PCDHGB1: variants seen among roughly 807,000 people sequenced by gnomAD.
PCDHGB1 encodes the protein protocadherin gamma subfamily B, 1.
A neutral mutation model predicts 56.6 loss-of-function variants in PCDHGB1; 34 were observed. The observed-to-expected ratio is 0.60, with a 90% CI of 0.46 to 0.80. The LOEUF (loss-of-function observed/expected upper bound fraction) is 0.80. Among genes scored for constraint, PCDHGB1 ranks in the 30% least tolerant of loss-of-function variants. PCDHGB1 has a pLI of 0.00. For synonymous variants in PCDHGB1, 561 were observed against 505.9 expected (o/e 1.11, Z -1.46); for missense variants, 1,278 against 1,204.6 (o/e 1.06, Z -0.90).
intron 1 of PCDHGB1, chr5:141,376,390 T>C (rs776058989): frequency 1.0e-4 from 166 of 1,614,188 alleles, no homozygotes; most frequent in Middle Eastern, 1.6e-4. Flanking sequence ...GTCATCTGAT[T>C]TTCCCCCAGC....
intron 1 of PCDHGB1, chr5:141,398,210 C>T (rs755562930): frequency 1.3e-6 from 2 of 1,483,862 alleles, no homozygotes; most frequent in South Asian, 1.3e-5. Flanking sequence ...TTCTGCCCGG[C>T]GCTCTGTGAG....
intron 1 of PCDHGB1, among the ~76,000 whole-genome samples, chr5:141,442,879 A>T (rs1399128822): frequency 6.6e-6 from 1 of 152,256 alleles, no homozygotes; most frequent in Non-Finnish European, 1.5e-5. Flanking sequence ...TTTACAACTC[A>T]GAATCCCTGC....
intron 1 of PCDHGB1, among the ~76,000 whole-genome samples, chr5:141,397,239 G>A (rs563338293): frequency 1.8e-4 from 27 of 152,262 alleles, no homozygotes; most frequent in Non-Finnish European, 3.4e-4. Flanking sequence ...GAAGAGCAAC[G>A]TAGTAGGGTA....
At chr5:141,381,947 A>G (rs957045552) in intron 1 of PCDHGB1, among the ~76,000 whole-genome samples, 2 of 146,392 alleles carry the variant, frequency 1.4e-5, no homozygotes, top group Non-Finnish European at 3.0e-5. Flanking sequence ...TTCCTGCCTC[A>G]GCCTCCTGAG....
chr5:141,396,765 T>A (rs1446594255), intron 1 of PCDHGB1: 1 of 152,246 alleles, frequency 6.6e-6, no homozygotes, highest in Non-Finnish European at 1.5e-5. Flanking sequence ...CAATAAATGT[T>A]TGTTATTAAT....
In PCDHGB1 at chr5:141,361,205, C is replaced by T. The variant is rs754494569; in HGVS notation, c.2409+8536C>T. On this transcript the variant is annotated intron_variant, in intron 1 of 3. Transcript: ENST00000523390. Reference sequence around the variant, plus strand: ...GTGACTTCAGTATCTACTCCCCTACCGGAGGATTCGCCACCAGGAACAGTG... The same window carrying T: ...GTGACTTCAGTATCTACTCCCCTACTGGAGGATTCGCCACCAGGAACAGTG... 3.7e-6 allele frequency: 6 copies of T among 1,613,776 alleles called. No homozygotes were observed. In the Admixed American group the frequency reaches 8.3e-5, roughly 22 times the overall value.
chr5:141,381,188 T>G (rs1271101708), intron 1 of PCDHGB1, among the ~76,000 whole-genome samples: 1 of 152,222 alleles, frequency 6.6e-6, no homozygotes, highest in Non-Finnish European at 1.5e-5. Context: ...GAAGTTAAGC[T>G]TTCTTAGTGT....
In PCDHGB1 at chr5:141,485,615, C is replaced by G; in HGVS notation, c.2410-9192C>G. ...CTTGGAAATTGGGGAGGCAGCTCCTCCAGGACAGCGTTTCCCGTTGGAAAA... is the reference window on the plus strand; with the variant it reads ...CTTGGAAATTGGGGAGGCAGCTCCTGCAGGACAGCGTTTCCCGTTGGAAAA... On this transcript the variant is annotated intron_variant, in intron 1 of 3. Coordinates refer to ENST00000523390, the MANE Select transcript of PCDHGB1 (RefSeq NM_018922.3). This position sits in a 1 kb window ranked among gnomAD's most constrained non-coding sequence, Gnocchi z 5.7. 6.2e-7 allele frequency: 1 copy of G among 1,612,250 alleles called. No individual in the cohort carries two copies. The highest frequency in any genetic ancestry group is 1.3e-5 in the African/African-American group (1 of 74,992).
At chr5:141,456,058 C>T (rs1488082918) in intron 1 of PCDHGB1, among the ~76,000 whole-genome samples, 3 of 151,880 alleles carry the variant, frequency 2.0e-5, no homozygotes, top group Admixed American at 6.6e-5. Context: ...CCACCACGTC[C>T]GGCTAATTTT....
chr5:141,455,364 G>C (rs2098820282), intron 1 of PCDHGB1, among the ~76,000 whole-genome samples: 1 of 152,252 alleles, frequency 6.6e-6, no homozygotes, highest in South Asian at 2.1e-4. Flanking sequence ...TAGGCAAGAA[G>C]GAAGGGAGAA....
At chr5:141,410,561 G>A (rs201832666) in intron 1 of PCDHGB1, 1 of 1,612,698 alleles carries the variant, frequency 6.2e-7, no homozygotes, top group Non-Finnish European at 8.5e-7. Flanking sequence ...TTCTCCTGGA[G>A]CCTTAATTCC....
chr5:141,438,760 C>T (rs1346379482), intron 1 of PCDHGB1, among the ~76,000 whole-genome samples: 4 of 148,802 alleles, frequency 2.7e-5, no homozygotes, highest in South Asian at 2.1e-4. Context: ...CTCCTGGGTT[C>T]AAGCGATTCT....
chr5:141,470,023 G>A (rs1258101057), intron 1 of PCDHGB1, among the ~76,000 whole-genome samples: 1 of 152,110 alleles, frequency 6.6e-6, no homozygotes, highest in Admixed American at 6.6e-5. Context: ...CAGCTACTCG[G>A]GATGCTGAGG....
chr5:141,414,726 C>G (rs761022941), intron 1 of PCDHGB1: 5 of 1,614,196 alleles, frequency 3.1e-6, no homozygotes, highest in Non-Finnish European at 4.2e-6. Context: ...ACACTGGCGT[C>G]CTGTATGCAC....
chr5:141,384,492 AG>A (rs746302959), intron 1 of PCDHGB1: 2 of 1,614,164 alleles, frequency 1.2e-6, no homozygotes, highest in East Asian at 4.5e-5. Context: ...TACAACTAAG[AG>A]TGACTGCACA....
At chr5:141,430,935 T>G (rs748546768) in intron 1 of PCDHGB1, 1 of 1,607,814 alleles carries the variant, frequency 6.2e-7, no homozygotes. Context: ...CCCCGGGAGC[T>G]CGCGGAGCGC....
At chr5:141,452,527 G>A (rs1164238830) in intron 1 of PCDHGB1, among the ~76,000 whole-genome samples, 1 of 152,156 alleles carries the variant, frequency 6.6e-6, no homozygotes, top group Non-Finnish European at 1.5e-5. Flanking sequence ...TCAAAATCGT[G>A]AGTTCATATT....
chr5:141,438,638 A>G (rs1192725978), intron 1 of PCDHGB1, among the ~76,000 whole-genome samples: 1 of 22,806 alleles, frequency 4.4e-5, no homozygotes, highest in East Asian at 1.6e-3. Flanking sequence ...ATATATATAC[A>G]CACACACACA....
chr5:141,442,232 T>A (rs1303447766), intron 1 of PCDHGB1: 2 of 153,276 alleles, frequency 1.3e-5, no homozygotes, highest in Non-Finnish European at 2.9e-5. Context: ...TTCCTTTTTA[T>A]TCTTCCTGAT....
Sources: gnomAD v4.1 joint callset for allele counts (sites outside exome capture counted in the v4.1 genomes callset) on GRCh38, gnomAD v4.1.1 for gene constraint, Gnocchi (gnomAD v3.1) non-coding constraint, MANE v1.5 for transcripts, NCBI Gene and HGNC (gene_info 2026-07-23, HGNC 2026-07-21) for gene names.